Variants in RPS29 observed in about 807,000 individuals in gnomAD.
RPS29 encodes ribosomal protein S29, also known as small ribosomal subunit protein uS14.
For missense variants in RPS29, 60 were observed against 75.7 expected, an observed-to-expected ratio of 0.79 and a Z score of 0.77; for synonymous variants, 37 against 26.9, an observed-to-expected ratio of 1.37 and a Z score of -1.16.
intron 1 of RPS29, among the ~76,000 whole-genome samples, chr14:49,595,566 C>T (rs1881803639): frequency 6.6e-6 from 1 of 151,824 alleles, no homozygotes; most frequent in Admixed American, 6.6e-5. Context: ...ATGAATGTTG[C>T]CACTGCACTC....
intron 2 of RPS29, among the ~76,000 whole-genome samples, chr14:49,578,092 C>T (rs1463573738): frequency 1.3e-5 from 2 of 151,756 alleles, no homozygotes; most frequent in Admixed American, 1.3e-4. Context: ...AACATGAGAG[C>T]CTTCATGCCT....
chr14:49,579,471 GC>G (rs894595311), downstream of RPS29, among the ~76,000 whole-genome samples: 1 of 152,178 alleles, frequency 6.6e-6, no homozygotes, highest in African/African-American at 2.4e-5. Flanking sequence ...GGAGACCAAG[GC>G]AAGAGGATCA....
chr14:49,589,676 T>C (rs1881671252), upstream of RPS29, among the ~76,000 whole-genome samples: 1 of 152,234 alleles, frequency 6.6e-6, no homozygotes, highest in African/African-American at 2.4e-5. Context: ...GCAATCCCAT[T>C]ACTGGATATA....
upstream of RPS29, chr14:49,586,987 G>A (rs1881600858): frequency 6.6e-6 from 1 of 152,524 alleles, no homozygotes; most frequent in South Asian, 2.0e-4. Context: ...TTACACTTGG[G>A]AAAGGAGTTT....
downstream of RPS29, among the ~76,000 whole-genome samples, chr14:49,583,326 A>G (rs1391251338): frequency 6.6e-6 from 1 of 152,146 alleles, no homozygotes; most frequent in Non-Finnish European, 1.5e-5. Context: ...CAAGGCGAGC[A>G]GATCACGAAG....
chr14:49,586,007 G>A lies in RPS29; in HGVS notation c.105C>T (p.Gly35=). The A allele has an allele frequency of 1.9e-6, 3 of 1,613,990 alleles. No homozygotes were observed. The highest frequency in any genetic ancestry group is 1.1e-5 in the South Asian group (1 of 91,074). Residue 35 remains glycine (G), a synonymous_variant, in exon 2 of 3, where the codon GGC becomes GGT. Transcript: ENST00000245458. The part of the protein sequence containing the change: ...SNRHGLIRKY[G]LNMCRQCFRQ... ...GGAAACACTGGCGGCACATATTGAG[G>A]CCATATTTCCGGATCAGACCGTGCC...
At chr14:49,587,750 G>C (rs1355373155), upstream of RPS29, among the ~76,000 whole-genome samples, 1 of 152,198 alleles carries the variant, frequency 6.6e-6, no homozygotes, top group African/African-American at 2.4e-5. Flanking sequence ...ATTAAATCAT[G>C]GGTGTGCTCA....
chr14:49,598,050 A>T (rs1881875136), intron 1 of RPS29: 1 of 237,496 alleles, frequency 4.2e-6, no homozygotes. Flanking sequence ...AGGGACGCTC[A>T]TTTGAGAATA....
At chr14:49,579,024 T>C (rs1212496310), downstream of RPS29, among the ~76,000 whole-genome samples, 2 of 152,158 alleles carry the variant, frequency 1.3e-5, no homozygotes, top group African/African-American at 4.8e-5. Context: ...CTCAGGGAAT[T>C]GTTGTATTAA....
At chr14:49,586,384 C>A (rs79390224), upstream of RPS29, 623 of 1,580,018 alleles carry the variant, frequency 3.9e-4, no homozygotes, top group African/African-American at 7.3e-3. Context: ...AAGGAAGAAG[C>A]TGGCCCACGC....
intron 1 of RPS29, chr14:49,597,821 G>T (rs1232615297): frequency 6.6e-6 from 1 of 151,604 alleles, no homozygotes; most frequent in Non-Finnish European, 1.5e-5. Context: ...TAATTTTTTT[G>T]TATTTTTCTT....
upstream of RPS29, chr14:49,586,391 A>C: frequency 1.3e-6 from 2 of 1,545,116 alleles, no homozygotes; most frequent in South Asian, 1.1e-5. Flanking sequence ...AAGCTGGCCC[A>C]CGCATGCGCT....
In RPS29 at chr14:49,595,436, AAAAC is replaced by A. The variant is rs575201130; in HGVS notation, c.-133+2960_-133+2963del. 2.1e-3 allele frequency among the ~76,000 whole-genome samples: 314 copies of A among 152,108 alleles called. 1 individual carries two copies. Among genetic ancestry groups the A allele is most frequent in the African/African-American group, 6.6e-3 (274 of 41,484 alleles). On this transcript the variant is annotated intron_variant, in intron 1 of 3. Transcript: ENST00000556230. Reference sequence around the variant, plus strand: ...ACCCCCATCTCTAGCAAAAAGTAAAAAAACAAACAAAAAAACCACACACATCTGG... The same window carrying A: ...ACCCCCATCTCTAGCAAAAAGTAAAAAAACAAAAAAACCACACACATCTGG...
exon 3 of RPS29, chr14:49,576,060 A>G (rs1461616304): frequency 6.6e-6 from 1 of 151,722 alleles, no homozygotes; most frequent in Non-Finnish European, 1.5e-5. Flanking sequence ...TACTCAGTCT[A>G]TCTACAAACT....
At chr14:49,582,030 A>AAAAAG (rs1881354181), downstream of RPS29, among the ~76,000 whole-genome samples, 1 of 151,234 alleles carries the variant, frequency 6.6e-6, no homozygotes, top group Non-Finnish European at 1.5e-5. Context: ...AAAAAAAAAA[A>AAAAAG]AAAACTTAGT....
At chr14:49,579,109 G>A (rs1439797042), downstream of RPS29, among the ~76,000 whole-genome samples, 1 of 152,110 alleles carries the variant, frequency 6.6e-6, no homozygotes, top group Non-Finnish European at 1.5e-5. Context: ...TGGGTTGTAG[G>A]AGGTGGGGCA....
At chr14:49,585,065 G>A (rs977636189) in intron 2 of RPS29, among the ~76,000 whole-genome samples, 1 of 151,850 alleles carries the variant, frequency 6.6e-6, no homozygotes, top group Admixed American at 6.6e-5. Flanking sequence ...TCCAGTGTAT[G>A]ACGCTTTCAA....
At chr14:49,584,263 C>T (rs140431815) in intron 2 of RPS29, among the ~76,000 whole-genome samples, 2 of 152,390 alleles carry the variant, frequency 1.3e-5, no homozygotes, top group African/African-American at 4.8e-5. Context: ...AGGTGTGAGG[C>T]ACCTCGCCTG....
chr14:49,593,858 A>G (rs1251616421), intron 1 of RPS29, among the ~76,000 whole-genome samples: 2 of 152,126 alleles, frequency 1.3e-5, no homozygotes, highest in Non-Finnish European at 2.9e-5. Context: ...TTCCAAAGGG[A>G]GCAAGAGACA....
Sources: allele counts gnomAD v4.1 joint callset (sites outside exome capture counted in the v4.1 genomes callset), GRCh38; gene constraint gnomAD v4.1.1; transcripts MANE v1.5; gene names NCBI Gene and HGNC (gene_info 2026-07-23, HGNC 2026-07-21).